ROBO1: variants seen among roughly 807,000 people sequenced by gnomAD.
ROBO1 encodes the protein roundabout guidance receptor 1.
Under a neutral mutation model 195.9 loss-of-function variants are expected in ROBO1, and 149 were observed. The observed-to-expected ratio is 0.76, with a 90% CI of 0.67 to 0.87. The LOEUF (loss-of-function observed/expected upper bound fraction) is 0.87. ROBO1 is among the 40% of genes least tolerant of loss of function. The pLI, the probability that ROBO1 is intolerant of heterozygous loss-of-function variation, is 0.00. For missense variants in ROBO1, 1,933 were observed against 2,068.3 expected (o/e 0.93, Z 1.27); for synonymous variants, 816 against 733.2 (o/e 1.11, Z -1.82).
intron 1 of ROBO1, among the ~76,000 whole-genome samples, chr3:79,674,514 G>A (rs141204451): frequency 3.9e-5 from 6 of 151,944 alleles, no homozygotes; most frequent in African/African-American, 1.2e-4. Context: ...ATACAGTACT[G>A]AGGTTTTTAC....
Position 78,792,038 on chromosome 3 carries a change from C to T in ROBO1, c.500-45138G>A, listed in dbSNP as rs144200762. Among the ~76,000 whole-genome samples, 22 of 152,276 alleles carry T rather than the reference C, an allele frequency of 1.4e-4. No individual in the cohort carries two copies. The East Asian group carries it at 3.7e-3, about 26-fold the overall frequency. ...TGTTACATTGCTTCAGGCTGTGCTA[C>T]AGGGGACCCTCATAGGGTTTCATCT... On this transcript the variant is annotated intron_variant, in intron 4 of 30. Transcript: ENST00000464233.
intron 2 of ROBO1, among the ~76,000 whole-genome samples, chr3:79,588,449 G>A (rs1943897942): frequency 6.6e-6 from 1 of 151,622 alleles, no homozygotes; most frequent in Non-Finnish European, 1.5e-5. Flanking sequence ...TTGTTGACCT[G>A]TAGGAGTTAT....
chr3:78,730,419 G>T (rs3931978), intron 5 of ROBO1, among the ~76,000 whole-genome samples: 7,387 of 121,220 alleles, frequency 0.061, 2,186 homozygotes, highest in Non-Finnish European at 0.091. Flanking sequence ...GATATAGATT[G>T]ACCAATTTTA....
intron 2 of ROBO1, among the ~76,000 whole-genome samples, chr3:79,135,406 A>C (rs910230682): frequency 6.6e-6 from 1 of 152,166 alleles, no homozygotes; most frequent in Non-Finnish European, 1.5e-5. Flanking sequence ...ACAGTATACA[A>C]TATCAGCTAT....
At chr3:79,351,267 G>T (rs972585218) in intron 2 of ROBO1, among the ~76,000 whole-genome samples, 59 of 152,270 alleles carry the variant, frequency 3.9e-4, no homozygotes, top group Non-Finnish European at 8.4e-4. Flanking sequence ...AGATAATCAT[G>T]AGCAAAATAA....
chr3:79,627,939 G>A (rs1047785167), intron 1 of ROBO1, among the ~76,000 whole-genome samples: 1 of 152,078 alleles, frequency 6.6e-6, no homozygotes, highest in Non-Finnish European at 1.5e-5. Flanking sequence ...CAAAACCACA[G>A]TGAGATACTG....
At chr3:79,622,696 G>A (rs1471178242) in intron 1 of ROBO1, among the ~76,000 whole-genome samples, 1 of 152,220 alleles carries the variant, frequency 6.6e-6, no homozygotes, top group East Asian at 1.9e-4. Context: ...CTGGGCTTGA[G>A]CCCCTAGTGG....
intron 4 of ROBO1, among the ~76,000 whole-genome samples, chr3:78,929,479 CATTT>C (rs35081123): frequency 0.3 from 43,041 of 144,078 alleles, 6,552 homozygotes; most frequent in African/African-American, 0.37. Flanking sequence ...TTTCCAGTAT[CATTT>C]ATTTATTTAT....
chr3:78,892,998 A>C (rs1418214756), intron 4 of ROBO1, among the ~76,000 whole-genome samples: 1 of 152,172 alleles, frequency 6.6e-6, no homozygotes, highest in Non-Finnish European at 1.5e-5. Context: ...AGGAAAGTGC[A>C]ACCTCATACT....
intron 2 of ROBO1, among the ~76,000 whole-genome samples, chr3:79,259,340 A>C (rs1651525352): frequency 6.6e-6 from 1 of 151,940 alleles, no homozygotes; most frequent in African/African-American, 2.4e-5. Flanking sequence ...GGATTTTGTC[A>C]TGTTGTCTAG....
Position 79,373,758 on chromosome 3 carries a change from T to G in ROBO1, c.88+216066A>C, listed in dbSNP as rs375531378. ...AATTAACTTACCTTTGAGCCTTTCT[T>G]GGATATGAAGCCAAAAGGGAACATA... On this transcript the variant is annotated intron_variant, in intron 2 of 30. Coordinates refer to ENST00000464233, the MANE Select transcript of ROBO1 (RefSeq NM_002941.4). Among the ~76,000 whole-genome samples, 13 of 152,320 alleles carry G rather than the reference T, an allele frequency of 8.5e-5. No homozygotes were observed. In the East Asian group the frequency reaches 2.5e-3, roughly 29 times the overall value.
rs144937468 is a variant in ROBO1, at chr3:79,002,338, A to G, written c.173-63411T>C. Among the ~76,000 whole-genome samples the G allele has an allele frequency of 7.5e-3, 1,141 of 152,238 alleles. 12 individuals are homozygous for G. The highest frequency in any genetic ancestry group is 0.025 in the African/African-American group (1,053 of 41,538). ...AATTTCTTCCAGTATTACTATTTCT[A>G]ATTGGTACTTAATTAGCATTAAGTA... On this transcript the variant is annotated intron_variant, in intron 3 of 30. Transcript: ENST00000464233.
chr3:78,754,324 C>A (rs1478663060), intron 4 of ROBO1, among the ~76,000 whole-genome samples: 1 of 152,162 alleles, frequency 6.6e-6, no homozygotes, highest in African/African-American at 2.4e-5. Context: ...AAGTCACACT[C>A]AGGAGTAGCC....
intron 2 of ROBO1, among the ~76,000 whole-genome samples, chr3:79,424,696 A>T (rs1256593000): frequency 2.0e-5 from 3 of 152,148 alleles, no homozygotes; most frequent in Non-Finnish European, 4.4e-5. Flanking sequence ...CTGAAAAAGG[A>T]GTAATATTAA....
At chr3:79,676,885 A>G (rs747351054) in intron 1 of ROBO1, among the ~76,000 whole-genome samples, 4 of 152,070 alleles carry the variant, frequency 2.6e-5, no homozygotes, top group Non-Finnish European at 5.9e-5. Context: ...CATACTTAGG[A>G]TCCAAATCAT....
At chr3:78,748,665 G>A (rs1012813163) in intron 4 of ROBO1, among the ~76,000 whole-genome samples, 2 of 151,626 alleles carry the variant, frequency 1.3e-5, no homozygotes, top group African/African-American at 4.8e-5. Context: ...CCTCAAACCA[G>A]TTTAAATTTT....
At position 78,659,380 on chromosome 3, in the gene ROBO1, G is replaced by A. The variant is rs185698793; in HGVS notation, c.2442+306C>T. On this transcript the variant is annotated intron_variant, in intron 17 of 30. Transcript: ENST00000464233. ...ATTCTGCTCAGGATACTTGGTTACC[G>A]TACAGATTAATTTGCTCCTCAGAAG... 9.4e-4 allele frequency among the ~76,000 whole-genome samples: 143 copies of A among 152,078 alleles called. 1 individual carries two copies. Among genetic ancestry groups the A allele is most frequent in the African/African-American group, 4.8e-4 (20 of 41,496 alleles).
At chr3:78,845,161 T>A (rs575108330) in intron 4 of ROBO1, among the ~76,000 whole-genome samples, 1 of 152,128 alleles carries the variant, frequency 6.6e-6, no homozygotes, top group African/African-American at 2.4e-5. Flanking sequence ...ATATCATGAA[T>A]TCAGATGTGT....
chr3:79,307,320 C>T (rs922088012), intron 2 of ROBO1, among the ~76,000 whole-genome samples: 6 of 151,734 alleles, frequency 4.0e-5, no homozygotes, highest in African/African-American at 1.5e-4. Context: ...AAATAAAAAC[C>T]CTATGCATTT....
Sources: allele counts gnomAD v4.1 joint callset (sites outside exome capture counted in the v4.1 genomes callset), GRCh38; gene constraint gnomAD v4.1.1; transcripts MANE v1.5; gene names NCBI Gene and HGNC (gene_info 2026-07-23, HGNC 2026-07-21).